Variants in ABCC5 observed in about 807,000 individuals in gnomAD.
ABCC5 encodes the protein ATP-binding cassette sub-family C member 5.
A neutral mutation model predicts 160.9 loss-of-function variants in ABCC5; 61 were observed. The observed-to-expected ratio is 0.38, with a 90% CI of 0.31 to 0.47. The LOEUF (loss-of-function observed/expected upper bound fraction) is 0.47. Ranked by LOEUF, ABCC5 falls within the 20% of genes least tolerant of loss-of-function variation. The pLI is 0.99. For synonymous variants in ABCC5, 666 were observed against 700.6 expected (o/e 0.95, Z 0.78); for missense variants, 1,308 against 1,813.3 (o/e 0.72, Z 5.06).
intron 14 of ABCC5, among the ~76,000 whole-genome samples, chr3:183,964,674 C>A (rs1717054800): frequency 6.6e-6 from 1 of 152,138 alleles, no homozygotes; most frequent in Non-Finnish European, 1.5e-5. Context: ...AGGTGCCAAT[C>A]CCAGAGACCT....
chr3:184,006,188 G>A (rs1160702241), intron 2 of ABCC5: 2 of 151,848 alleles, frequency 1.3e-5, no homozygotes, highest in African/African-American at 4.8e-5. Flanking sequence ...AGATCTCTGG[G>A]CTGCTATTGG....
chr3:183,974,077 C>T (rs982912589), intron 10 of ABCC5, among the ~76,000 whole-genome samples: 9 of 152,196 alleles, frequency 5.9e-5, no homozygotes, highest in African/African-American at 2.2e-4. Flanking sequence ...GAACTTGTAT[C>T]TACTTGAATT....
chr3:183,941,812 GTC>G (rs2108781481), intron 25 of ABCC5, among the ~76,000 whole-genome samples: 2 of 151,918 alleles, frequency 1.3e-5, no homozygotes, highest in African/African-American at 4.8e-5. Flanking sequence ...GTGAAACCCT[GTC>G]TCTACTAAAA....
chr3:183,944,363 C>G (rs1435703237), intron 24 of ABCC5, among the ~76,000 whole-genome samples: 1 of 151,364 alleles, frequency 6.6e-6, no homozygotes, highest in Non-Finnish European at 1.5e-5. Context: ...CCACTGCACT[C>G]AAGCCTGGGT....
intron 2 of ABCC5, among the ~76,000 whole-genome samples, chr3:183,993,058 T>C (rs1280757464): frequency 1.3e-5 from 2 of 152,246 alleles, no homozygotes; most frequent in East Asian, 1.9e-4. Flanking sequence ...AATTCTTTTA[T>C]GGGGGAATAA....
At chr3:184,013,976 G>A (rs912653774) in intron 2 of ABCC5, among the ~76,000 whole-genome samples, 4 of 152,168 alleles carry the variant, frequency 2.6e-5, no homozygotes, top group African/African-American at 7.2e-5. Flanking sequence ...GGGTTCAAGC[G>A]ATTCTCGTGC....
intron 9 of ABCC5, 132 bp from the exon 10 acceptor site, chr3:183,977,756 C>CT: frequency 1.6e-6 from 1 of 609,898 alleles, no homozygotes; most frequent in Non-Finnish European, 2.8e-6. Flanking sequence ...AAGTCAATTA[C>CT]ATTTTTTTTT....
intron 26 of ABCC5, among the ~76,000 whole-genome samples, chr3:183,929,827 G>A (rs1713001841): frequency 6.6e-6 from 1 of 152,162 alleles, no homozygotes; most frequent in Non-Finnish European, 1.5e-5. Context: ...GCCCAGGCTG[G>A]TCTCAAATTC....
intron 29 of ABCC5, among the ~76,000 whole-genome samples, chr3:183,922,896 G>A (rs1712147832): frequency 6.6e-6 from 1 of 151,744 alleles, no homozygotes; most frequent in South Asian, 2.1e-4. Flanking sequence ...GCAGGGGAAG[G>A]TGAGTACTGG....
At chr3:183,954,802 G>C (rs1715715696) in intron 17 of ABCC5, among the ~76,000 whole-genome samples, 1 of 152,172 alleles carries the variant, frequency 6.6e-6, no homozygotes, top group Non-Finnish European at 1.5e-5. Flanking sequence ...AGGAGGTCCT[G>C]AGAACAGGCC....
chr3:183,953,348 G>T, intron 17 of ABCC5, 78 bp from the exon 18 acceptor site: 1 of 1,347,818 alleles, frequency 7.4e-7, no homozygotes, highest in Non-Finnish European at 1.0e-6. Flanking sequence ...CAGAGCAACA[G>T]AATCGGACAA....
rs541739081 is a variant in ABCC5 at position 183,961,340 on chromosome 3, G to C, written c.2379+171C>G. Among the ~76,000 whole-genome samples, 3 of 152,224 alleles carry C rather than the reference G, an allele frequency of 2.0e-5. No individual in the cohort carries two copies. The East Asian group carries it at 5.8e-4, about 29-fold the overall frequency. Reference sequence around the variant, plus strand: ...CCAGCCCCACAATCCTGCTCTCCTAGAGCAGAATCAGTGTGTGAACTAAGG... The same window carrying C: ...CCAGCCCCACAATCCTGCTCTCCTACAGCAGAATCAGTGTGTGAACTAAGG... On this transcript the variant is annotated intron_variant, in intron 16 of 29. Transcript: ENST00000334444.
At chr3:183,943,117 G>A (rs1714522818) in intron 24 of ABCC5, among the ~76,000 whole-genome samples, 1 of 152,228 alleles carries the variant, frequency 6.6e-6, no homozygotes, top group Non-Finnish European at 1.5e-5. Flanking sequence ...CAATGGCTAA[G>A]TGTCATGGCT....
chr3:183,984,339 A>C, intron 5 of ABCC5: 1 of 985,890 alleles, frequency 1.0e-6, no homozygotes, highest in African/African-American at 1.7e-5. Flanking sequence ...CCCCACCCTA[A>C]AGGAAGAAAA....
chr3:183,944,604 T>C (rs1211140490), intron 24 of ABCC5, among the ~76,000 whole-genome samples: 1 of 152,238 alleles, frequency 6.6e-6, no homozygotes, highest in African/African-American at 2.4e-5. Flanking sequence ...TAACTACTCA[T>C]GATGCTGCTT....
intron 26 of ABCC5, among the ~76,000 whole-genome samples, chr3:183,930,176 C>T (rs893363410): frequency 6.6e-6 from 1 of 152,242 alleles, no homozygotes; most frequent in African/African-American, 2.4e-5. Context: ...TGCCACACAC[C>T]TGTCTCCATA....
At chr3:184,010,798 C>CTTTTTTTTTTTT (rs55882083) in intron 2 of ABCC5, among the ~76,000 whole-genome samples, 1 of 136,630 alleles carries the variant, frequency 7.3e-6, no homozygotes, top group Non-Finnish European at 1.6e-5. Context: ...CATTCTTCTT[C>CTTTTTTTTTTTT]TTTTTTTTTT....
chr3:183,952,217 G>GCTCACTGC (rs1715439333), intron 18 of ABCC5, among the ~76,000 whole-genome samples: 1 of 150,308 alleles, frequency 6.7e-6, no homozygotes, highest in Admixed American at 6.6e-5. Context: ...CGCAATCATG[G>GCTCACTGC]CTCACTGCAC....
At chr3:183,926,500 A>G (rs1181416689) in intron 28 of ABCC5, among the ~76,000 whole-genome samples, 1 of 151,660 alleles carries the variant, frequency 6.6e-6, no homozygotes, top group African/African-American at 2.4e-5. Context: ...CAGTGAGCCG[A>G]GATCACACCA....
Sources: gnomAD v4.1 joint callset for allele counts (sites outside exome capture counted in the v4.1 genomes callset) on GRCh38, gnomAD v4.1.1 for gene constraint, MANE v1.5 for transcripts, NCBI Gene and HGNC (gene_info 2026-07-23, HGNC 2026-07-21) for gene names.